The following KLF8 variants were observed in gnomAD, a reference collection of about 807,000 sequenced individuals.
KLF8 encodes the protein KLF transcription factor 8.
A neutral mutation model predicts 18.2 loss-of-function variants in KLF8; 10 were observed. The ratio of observed to expected loss-of-function variants is 0.55; its 90% CI spans 0.34 to 0.93. The LOEUF (loss-of-function observed/expected upper bound fraction) is 0.93. Ranked by LOEUF, KLF8 falls within the 40% of genes least tolerant of loss-of-function variation. KLF8 has a pLI of 0.02. For synonymous variants in KLF8, 109 were observed against 97.3 expected, an observed-to-expected ratio of 1.12 and a Z score of -0.71; for missense variants, 264 against 277.9, an observed-to-expected ratio of 0.95 and a Z score of 0.36.
the KLF8 span, among the ~76,000 whole-genome samples, chrX:55,970,942 G>A: frequency 8.9e-6 from 1 of 111,943 alleles, no homozygotes; most frequent in African/African-American, 3.2e-5. Flanking sequence ...GATATTCTAT[G>A]TTCATGGATT....
At chrX:56,017,641 T>C in the KLF8 span, among the ~76,000 whole-genome samples, 2 of 111,782 alleles carry the variant, frequency 1.8e-5, no homozygotes, top group African/African-American at 3.3e-5. Flanking sequence ...GTGTGATTTT[T>C]TGAGGGGTAG....
the KLF8 span, among the ~76,000 whole-genome samples, chrX:56,080,662 A>G: frequency 9.0e-6 from 1 of 110,505 alleles, no homozygotes; most frequent in Non-Finnish European, 1.9e-5. Flanking sequence ...TCTTTGTGGC[A>G]TTCTCTGTAT....
chrX:56,286,178 G>A lies in KLF8; in HGVS notation c.*1684G>A, dbSNP rs1379530202. On this transcript the variant is annotated 3_prime_UTR_variant, in exon 6 of 6. Coordinates refer to ENST00000468660, the MANE Select transcript of KLF8 (RefSeq NM_007250.5). ...TTTATTTATTTATTTTTTGAGAGACGGTTTCACTCCATCACCCAGGCTGGA... is the reference window on the plus strand; with the variant it reads ...TTTATTTATTTATTTTTTGAGAGACAGTTTCACTCCATCACCCAGGCTGGA... 9.0e-6 allele frequency: 1 copy of A among 110,702 alleles called. No homozygotes were observed. Among genetic ancestry groups the A allele is most frequent in the East Asian group, 2.8e-4 (1 of 3,547 alleles). The allele number at this position is 110,702 out of a possible 1,213,427, so 9.1% of individuals were successfully genotyped here.
the KLF8 span, among the ~76,000 whole-genome samples, chrX:56,058,753 G>A: frequency 9.0e-6 from 1 of 111,138 alleles, no homozygotes; most frequent in African/African-American, 3.3e-5. Context: ...GTCTATCATT[G>A]ATGGGCATTT....
the KLF8 span, among the ~76,000 whole-genome samples, chrX:55,976,605 TC>T: frequency 9.3e-6 from 1 of 107,926 alleles, no homozygotes; most frequent in Non-Finnish European, 2.0e-5. Flanking sequence ...GTTTTCTGAT[TC>T]CTTTGGCAGT....
the KLF8 span, among the ~76,000 whole-genome samples, chrX:56,207,697 T>C: frequency 7.1e-3 from 786 of 110,787 alleles, 6 homozygotes; most frequent in African/African-American, 0.025. Flanking sequence ...GTTTCAAACT[T>C]TCCCACATTT....
At chrX:56,266,369 G>C (rs1240531261) in intron 3 of KLF8, 2 of 732,410 alleles carry the variant, frequency 2.7e-6, no homozygotes, top group African/African-American at 2.3e-5. Flanking sequence ...TTATTTGCCT[G>C]TATCACAAGA....
chrX:56,235,859 A>G (rs1233292796), intron 1 of KLF8, among the ~76,000 whole-genome samples: 2 of 112,275 alleles, frequency 1.8e-5, no homozygotes, highest in Non-Finnish European at 3.8e-5. Context: ...GATATCTAAT[A>G]TGTTTCATAA....
At chrX:56,020,245 G>A in the KLF8 span, among the ~76,000 whole-genome samples, 1 of 111,258 alleles carries the variant, frequency 9.0e-6, no homozygotes, top group Non-Finnish European at 1.9e-5. Flanking sequence ...GAGAAGATAA[G>A]AGCTCTGGGG....
chrX:55,959,236 G>T, the KLF8 span, among the ~76,000 whole-genome samples: 1 of 112,047 alleles, frequency 8.9e-6, no homozygotes, highest in African/African-American at 3.3e-5. Context: ...ACCCTCAAGA[G>T]TATGGAAGAA....
chrX:56,059,735 C>T, the KLF8 span, among the ~76,000 whole-genome samples: 1 of 111,300 alleles, frequency 9.0e-6, no homozygotes, highest in African/African-American at 3.3e-5. Flanking sequence ...GTACCAGTAC[C>T]GTGCTGTTTT....
chrX:55,977,532 A>T, the KLF8 span, among the ~76,000 whole-genome samples: 1 of 109,691 alleles, frequency 9.1e-6, no homozygotes, highest in African/African-American at 3.3e-5. Flanking sequence ...AAGTGCTATA[A>T]TCTCTCAGTG....
chrX:56,025,729 G>T, the KLF8 span, among the ~76,000 whole-genome samples: 1 of 111,535 alleles, frequency 9.0e-6, no homozygotes, highest in Non-Finnish European at 1.9e-5. Flanking sequence ...TTCAAATACC[G>T]TGATCATGGG....
the KLF8 span, among the ~76,000 whole-genome samples, chrX:56,129,502 C>G: frequency 1.8e-5 from 2 of 111,296 alleles, no homozygotes; most frequent in African/African-American, 6.6e-5. Context: ...GTAGAGGAAA[C>G]AGTAGGAAAA....
chrX:56,093,901 TTA>T, the KLF8 span, among the ~76,000 whole-genome samples: 38 of 86,300 alleles, frequency 4.4e-4, no homozygotes, highest in East Asian at 2.7e-3. Context: ...AACGTATATA[TTA>T]TATGTGTGTG....
chrX:55,992,265 TTA>T, the KLF8 span, among the ~76,000 whole-genome samples: 1 of 112,464 alleles, frequency 8.9e-6, no homozygotes, highest in East Asian at 2.7e-4. Flanking sequence ...CACATCGAGT[TTA>T]TTTTTGTATG....
the KLF8 span, among the ~76,000 whole-genome samples, chrX:55,924,676 C>G: frequency 9.0e-6 from 1 of 110,533 alleles, no homozygotes; most frequent in Non-Finnish European, 1.9e-5. Flanking sequence ...TCATTTGATA[C>G]TCAAATACCT....
the KLF8 span, among the ~76,000 whole-genome samples, chrX:56,184,921 G>T: frequency 1.8e-5 from 2 of 111,928 alleles, no homozygotes; most frequent in South Asian, 7.4e-4. Flanking sequence ...ACAAAGATGG[G>T]GAAAAAACAG....
chrX:56,218,963 A>G, the KLF8 span, among the ~76,000 whole-genome samples: 1 of 112,433 alleles, frequency 8.9e-6, no homozygotes, highest in South Asian at 3.7e-4. Context: ...TGAATTATCA[A>G]AAATAGTGTC....
Sources: allele counts gnomAD v4.1 joint callset (sites outside exome capture counted in the v4.1 genomes callset), GRCh38; gene constraint gnomAD v4.1.1; transcripts MANE v1.5; gene names NCBI Gene and HGNC (gene_info 2026-07-23, HGNC 2026-07-21).